COL4A1: variants seen among roughly 807,000 people sequenced by gnomAD.
The protein encoded by COL4A1 is collagen alpha-1(IV) chain.
A neutral mutation model predicts 216.6 loss-of-function variants in COL4A1; 40 were observed. The ratio of observed to expected loss-of-function variants is 0.18; its 90% CI spans 0.14 to 0.24. The LOEUF (loss-of-function observed/expected upper bound fraction) is 0.24. Ranked by LOEUF, COL4A1 falls within the 10% of genes least tolerant of loss-of-function variation. The pLI, the probability that COL4A1 is intolerant of heterozygous loss-of-function variation, is 1.00. For missense variants in COL4A1, 1,628 were observed against 2,196.8 expected (o/e 0.74, Z 5.18); for synonymous variants, 839 against 810.7 (o/e 1.03, Z -0.59).
chr13:110,227,427 A>ACACAC (rs1555308840), intron 2 of COL4A1, among the ~76,000 whole-genome samples: 2,816 of 130,226 alleles, frequency 0.022, 45 homozygotes, highest in Middle Eastern at 0.035. Context: ...CACACACACA[A>ACACAC]ACACACACAA....
rs755866340 is a variant in COL4A1, at chr13:110,211,166, A to G, written c.468+481T>C. On this transcript the variant is annotated intron_variant, in intron 8 of 51. Transcript: ENST00000375820. This position sits in a 1 kb window ranked among gnomAD's most constrained non-coding sequence, Gnocchi z 4.3. ...GAGACCTGTAAGCCTCCCTTTGACA[A>G]GGCTGATCCCAACATCCAGATGCCC... Among the ~76,000 whole-genome samples the G allele has an allele frequency of 6.6e-6, 1 of 152,174 alleles. No homozygotes were observed. The highest frequency in any genetic ancestry group is 1.9e-4 in the East Asian group (1 of 5,184).
Position 110,207,253 on chromosome 13 carries a change from T to C in COL4A1, c.780+150A>G, listed in dbSNP as rs1349113953. 2 of 748,044 alleles carry C rather than the reference T, an allele frequency of 2.7e-6. No homozygotes were observed. Among genetic ancestry groups the C allele is most frequent in the Non-Finnish European group, 4.6e-6 (2 of 431,366 alleles). The allele number at this position is 748,044 out of a possible 1,614,324, so 46.3% of individuals were successfully genotyped here. ...CTGTCTCTGCTCTCAAAGGGGCTCG[T>C]ATTTTATGGACTGAACAGTCTATAA... On this transcript the variant is annotated intron_variant, in intron 13 of 51. Coordinates refer to ENST00000375820, the MANE Select transcript of COL4A1 (RefSeq NM_001845.6). The surrounding 1 kb of genome is among the most constrained non-coding windows in gnomAD (Gnocchi z 4.4).
chr13:110,170,530 T>G lies in COL4A1; in HGVS notation c.3742+17A>C. Reference sequence around the variant, plus strand: ...TGTCCCAGTCCTCAGCCCTGGCCCCTGGCGAGATGCCCTTACCTGGCAGGC... The same window carrying G: ...TGTCCCAGTCCTCAGCCCTGGCCCCGGGCGAGATGCCCTTACCTGGCAGGC... On this transcript the variant is annotated intron_variant, in intron 42 of 51. Coordinates refer to ENST00000375820, the MANE Select transcript of COL4A1 (RefSeq NM_001845.6). The G allele has an allele frequency of 6.3e-7, 1 of 1,586,958 alleles. No homozygotes were observed. Among genetic ancestry groups the G allele is most frequent in the Non-Finnish European group, 8.6e-7 (1 of 1,165,962 alleles).
rs1461670504 is a variant in COL4A1 at position 110,206,652 on chromosome 13, G to A, written c.858+13C>T. On this transcript the variant is annotated intron_variant, in intron 15 of 51. Transcript: ENST00000375820. ...AATTGTTTTATGATAAAAGGACTTT[G>A]GAAAGCACTTACTCTGGGTCCTGGT... 1 of 1,613,800 alleles carries A rather than the reference G, an allele frequency of 6.2e-7. No homozygotes were observed. The highest frequency in any genetic ancestry group is 1.1e-5 in the South Asian group (1 of 91,064).
In COL4A1 at chr13:110,178,975, G is replaced by A. The variant is rs562915813; in HGVS notation, c.2406C>T (p.Gly802=). 2 of 1,612,190 alleles carry A rather than the reference G, an allele frequency of 1.2e-6. No homozygotes were observed. Among genetic ancestry groups the A allele is most frequent in the Non-Finnish European group, 1.7e-6 (2 of 1,179,654 alleles). ...SVGSPGVPGI[G]PPGARGPPGG... ...CAGGGGGACCCCTAGCTCCAGGGGG[G>A]CCTATTCCTGGAACTCCTGGAGACC... is the stretch of plus-strand genomic sequence containing the variant. Residue 802 remains glycine (G), a synonymous_variant, in exon 31 of 52, where the codon GGC becomes GGT. Transcript: ENST00000375820.
intron 24 of COL4A1, chr13:110,191,528 T>A (rs1205370878): frequency 1.8e-6 from 1 of 542,470 alleles, no homozygotes; most frequent in Non-Finnish European, 3.2e-6. Context: ...ATTATTATGC[T>A]CTTCTATTTA....
chr13:110,198,566 G>A lies in COL4A1; in HGVS notation c.1186C>T (p.Arg396Ter). The A allele has an allele frequency of 6.2e-7, 1 of 1,614,056 alleles. No individual in the cohort carries two copies. Among genetic ancestry groups the A allele is most frequent in the Non-Finnish European group, 8.5e-7 (1 of 1,180,026 alleles). The change falls in exon 21 of 52, where the codon CGA becomes TGA. Residue 396 changes from arginine (R) to a stop codon, truncating the protein, a stop_gained. Coordinates refer to ENST00000375820, the MANE Select transcript of COL4A1 (RefSeq NM_001845.6). LOFTEE classifies it high-confidence loss of function. ...GGCAGAGATGTACCAGGAAATCCTC[G>A]GTCACCTTTTTCTCCTCTTTCACCA... ...FPGERGEKGDRGFPGTSLPGP... is the reference protein window; with the variant it reads ...FPGERGEKGD
At chr13:110,186,954 A>G (rs750383488) in intron 25 of COL4A1, among the ~76,000 whole-genome samples, 184 bp downstream of exon 25, 2 of 152,262 alleles carry the variant, frequency 1.3e-5, no homozygotes, top group Non-Finnish European at 2.9e-5. Context: ...TTTGTCAATA[A>G]TAACTGGCAA....
intron 46 of COL4A1, among the ~76,000 whole-genome samples, chr13:110,163,984 C>CT (rs58236306): frequency 0.29 from 31,029 of 108,822 alleles, 5,379 homozygotes; most frequent in East Asian, 0.47. Flanking sequence ...TTCTCTCTCT[C>CT]TTTTTTTTTT....
In COL4A1 at chr13:110,268,015, A is replaced by C. The variant is rs184102403; in HGVS notation, c.85-25281T>G. Among the ~76,000 whole-genome samples the C allele has an allele frequency of 7.4e-5, 3 of 40,424 alleles. No homozygotes were observed. In the Admixed American group the frequency reaches 1.2e-3, roughly 16 times the overall value. 26.5% of individuals were successfully genotyped at this position (40,424 alleles called of 152,430 possible). On this transcript the variant is annotated intron_variant, in intron 1 of 51. Transcript: ENST00000375820. The surrounding 1 kb of genome is among the most constrained non-coding windows in gnomAD (Gnocchi z 4.1). ...CACCTAGAACACAGCTGCCCCCCTC[A>C]AAAAAAAAATACAGAAAAAAGAAAC...
chr13:110,240,485 C>G (rs561308061), intron 2 of COL4A1, among the ~76,000 whole-genome samples: 1 of 152,380 alleles, frequency 6.6e-6, no homozygotes, highest in South Asian at 2.1e-4. Flanking sequence ...ACAACTTCCA[C>G]GTGGCCCCAC....
chr13:110,177,147 C>A, intron 33 of COL4A1, 110 bp from the exon 34 acceptor site: 1 of 1,551,092 alleles, frequency 6.4e-7, no homozygotes, highest in Non-Finnish European at 8.7e-7. Flanking sequence ...GGCTACAAAG[C>A]ACTCATAACT....
intron 2 of COL4A1, among the ~76,000 whole-genome samples, chr13:110,233,503 T>C (rs1298805125): frequency 6.6e-6 from 1 of 152,090 alleles, no homozygotes; most frequent in African/African-American, 2.4e-5. Flanking sequence ...ATCTCACGCA[T>C]GTTCCCCTTT....
intron 2 of COL4A1, among the ~76,000 whole-genome samples, chr13:110,219,713 T>C (rs1278830943): frequency 1.5e-5 from 2 of 136,946 alleles, no homozygotes; most frequent in Admixed American, 7.7e-5. Context: ...TATACATATG[T>C]GTATATATAT....
In COL4A1 at chr13:110,165,501, T is replaced by G. The variant is rs35185062; in HGVS notation, c.4022-511A>C. 0.54 allele frequency among the ~76,000 whole-genome samples: 81,139 copies of G among 151,448 alleles called. 21,967 individuals are homozygous for G. The highest frequency in any genetic ancestry group is 0.55 in the Non-Finnish European group (37,336 of 67,874). ...TGGTAAGAACCACACAAAGTGCGAG[T>G]TCCCCTCAGCCTCCCCGTTTTCAGC... On this transcript the variant is annotated intron_variant, in intron 45 of 51. Coordinates refer to ENST00000375820, the MANE Select transcript of COL4A1 (RefSeq NM_001845.6).
intron 1 of COL4A1, among the ~76,000 whole-genome samples, chr13:110,303,272 G>A (rs1051247231): frequency 6.6e-6 from 1 of 151,898 alleles, no homozygotes. Flanking sequence ...CATCCATGCC[G>A]CAACTTTCCA....
chr13:110,232,078 C>T (rs1881089638), intron 2 of COL4A1, among the ~76,000 whole-genome samples: 1 of 152,170 alleles, frequency 6.6e-6, no homozygotes, highest in African/African-American at 2.4e-5. Flanking sequence ...AGAAATTAGC[C>T]AGGAATCACT....
intron 2 of COL4A1, among the ~76,000 whole-genome samples, chr13:110,219,930 G>A (rs1192195): frequency 0.73 from 81,825 of 112,192 alleles, 27,507 homozygotes; most frequent in Middle Eastern, 0.86. Context: ...ATATATGTAT[G>A]TATATGTGTG....
rs1313966443 is a variant in COL4A1 at position 110,177,031 on chromosome 13, T to C, written c.2723A>G (p.His908Arg). ...APGLPGEKGD[H>R]GFPGSSGPRG... ...GGGTCCTGAGGAGCCCGGAAAGCCA[T>C]GGTCCCCTGCAGAGGAAAGAGAAGG... The change falls in exon 34 of 52, where the codon CAT becomes CGT. Residue 908 changes from histidine to arginine, a missense_variant. By Grantham distance (29) the His-to-Arg change is conservative. Around this residue, in one of 8 missense-constraint regions of COL4A1, gnomAD observed 701 missense variants for 892.5 expected, o/e 0.79. Transcript: ENST00000375820. The C allele has an allele frequency of 6.2e-7, 1 of 1,613,928 alleles. No individual in the cohort carries two copies. The highest frequency in any genetic ancestry group is 1.7e-5 in the Admixed American group (1 of 60,026).
Sources: gnomAD v4.1 joint callset for allele counts (sites outside exome capture counted in the v4.1 genomes callset) on GRCh38, gnomAD v4.1.1 for gene constraint, gnomAD v4.1.1 regional missense constraint, Gnocchi (gnomAD v3.1) non-coding constraint, MANE v1.5 for transcripts, NCBI Gene and HGNC (gene_info 2026-07-23, HGNC 2026-07-21) for gene names.